Variants in PREPL observed in about 807,000 individuals in gnomAD.
The protein encoded by PREPL is prolyl endopeptidase like.
In PREPL, 77 loss-of-function variants were observed where a neutral mutation model predicts 70.6. The observed-to-expected ratio is 1.09, with a 90% CI of 0.91 to 1.32. The LOEUF is 1.32. PREPL is among the 40% of genes most tolerant of loss of function. The pLI is 0.00. For synonymous variants in PREPL, 315 were observed against 264.8 expected, an observed-to-expected ratio of 1.19 and a Z score of -1.84; for missense variants, 1,002 against 778.2, an observed-to-expected ratio of 1.29 and a Z score of -3.42.
intron 2 of PREPL, among the ~76,000 whole-genome samples, chr2:44,345,072 TAACAC>T (rs1367637213): frequency 6.6e-6 from 1 of 152,236 alleles, no homozygotes; most frequent in Non-Finnish European, 1.5e-5. Context: ...AGTCTTGACT[TAACAC>T]AAACTATTTC....
chr2:44,339,089 G>C, intron 6 of PREPL, 58 bp downstream of exon 6: 1 of 1,592,606 alleles, frequency 6.3e-7, no homozygotes, highest in Admixed American at 1.7e-5. Context: ...AAATGTTGTT[G>C]ATCGAAGTGT....
chr2:44,353,254 T>C (rs1049387468), intron 1 of PREPL, among the ~76,000 whole-genome samples: 1 of 151,920 alleles, frequency 6.6e-6, no homozygotes, highest in African/African-American at 2.4e-5. Context: ...AGTTTCTTCA[T>C]TTGTTTAGAA....
intron 1 of PREPL, among the ~76,000 whole-genome samples, chr2:44,352,196 C>CT (rs915040473): frequency 6.6e-5 from 10 of 152,220 alleles, no homozygotes; most frequent in South Asian, 2.1e-4. Context: ...TCTTCCCCGT[C>CT]TTTTTTTTCT....
rs1044871710 is a variant in PREPL, at chr2:44,320,706, T to C, written c.*650A>G. 16 of 1,174,256 alleles carry C rather than the reference T, an allele frequency of 1.4e-5. No individual in the cohort carries two copies. The highest frequency in any genetic ancestry group is 2.0e-5 in the Non-Finnish European group (16 of 781,342). The allele number at this position is 1,174,256 out of a possible 1,614,324, so 72.7% of individuals were successfully genotyped here. A position where few individuals can be genotyped will look rare whatever the true frequency, so the allele number is the denominator to read the frequency against. On this transcript the variant is annotated 3_prime_UTR_variant, in exon 14 of 14. Coordinates refer to ENST00000409411, the MANE Select transcript of PREPL (RefSeq NM_001171613.2). Reference sequence around the variant, plus strand: ...ATTGTAAGCATTTGTAATAGCTTCATGTACAGCATGCTGCTTGGTGAACAA... The same window carrying C: ...ATTGTAAGCATTTGTAATAGCTTCACGTACAGCATGCTGCTTGGTGAACAA...
Position 44,346,405 on chromosome 2 carries a change from G to C in PREPL, c.-48-15C>G, listed in dbSNP as rs1248272779. On this transcript the variant is annotated splice_polypyrimidine_tract_variant and intron_variant, in intron 1 of 13. Transcript: ENST00000409411. ...GGCTGAAGATCCTGGAAAAAGTTTT[G>C]TTATGATCAAAATATTTCAAACTAG... 1 of 1,608,798 alleles carries C rather than the reference G, an allele frequency of 6.2e-7. No homozygotes were observed. The highest frequency in any genetic ancestry group is 8.5e-7 in the Non-Finnish European group (1 of 1,178,376).
At chr2:44,324,422 T>A (rs1572844341) in intron 10 of PREPL, among the ~76,000 whole-genome samples, 1 of 152,274 alleles carries the variant, frequency 6.6e-6, no homozygotes, top group East Asian at 1.9e-4. Context: ...TAATTAAAAA[T>A]TTTTAAATGA....
intron 10 of PREPL, among the ~76,000 whole-genome samples, chr2:44,325,568 C>T (rs1431471134): frequency 6.6e-6 from 1 of 152,062 alleles, no homozygotes; most frequent in Non-Finnish European, 1.5e-5. Flanking sequence ...TAATAAGCAA[C>T]CTAGCATAAA....
rs759190096 is a variant in PREPL at position 44,328,996 on chromosome 2, G to A, written c.1203C>T (p.Phe401=). The stretch of plus-strand genomic sequence containing the variant: ...CCACCAGGACCCGCCTCTCAGGCCT[G>A]AAATTCATTTTCAAATCCATTCCAT... The part of the protein sequence containing the change: ...GAYGMDLKMN[F]RPERRVLVDD... Residue 401 remains phenylalanine (F), a synonymous_variant, in exon 9 of 14, where the codon TTC becomes TTT. Transcript: ENST00000409411. The A allele has an allele frequency of 1.2e-6, 2 of 1,613,980 alleles. No homozygotes were observed. Among genetic ancestry groups the A allele is most frequent in the African/African-American group, 2.7e-5 (2 of 74,910 alleles).
chr2:44,324,771 C>G (rs571114327), intron 10 of PREPL, among the ~76,000 whole-genome samples: 1 of 152,228 alleles, frequency 6.6e-6, no homozygotes, highest in East Asian at 1.9e-4. Flanking sequence ...CCTGTAGTCC[C>G]AGATACTCAG....
At chr2:44,334,971 G>A (rs570398233) in intron 7 of PREPL, among the ~76,000 whole-genome samples, 2 of 152,170 alleles carry the variant, frequency 1.3e-5, no homozygotes, top group South Asian at 2.1e-4. Context: ...TGTCTTTCGT[G>A]TATGGATGGC....
chr2:44,355,590 A>G (rs1450950909), intron 1 of PREPL, among the ~76,000 whole-genome samples: 1 of 152,128 alleles, frequency 6.6e-6, no homozygotes, highest in Non-Finnish European at 1.5e-5. Flanking sequence ...ATCTTCACTC[A>G]TCTGAGTTAC....
chr2:44,361,299 G>C (rs990729726), intron 1 of PREPL, 81 bp downstream of exon 1: 2 of 152,422 alleles, frequency 1.3e-5, no homozygotes, highest in Non-Finnish European at 2.9e-5. Flanking sequence ...AAAAAGCGAG[G>C]ACCTGGGGAC....
At chr2:44,335,488 A>C (rs1451757374) in intron 7 of PREPL, among the ~76,000 whole-genome samples, 1 of 152,186 alleles carries the variant, frequency 6.6e-6, no homozygotes, top group African/African-American at 2.4e-5. Context: ...TTAACATGTA[A>C]ATGGTTAGCC....
chr2:44,358,309 GAA>G (rs1489438139), intron 1 of PREPL, among the ~76,000 whole-genome samples: 5 of 152,024 alleles, frequency 3.3e-5, no homozygotes, highest in African/African-American at 1.2e-4. Flanking sequence ...GGATCAAGTG[GAA>G]AACTTTGTTA....
chr2:44,331,019 T>C (rs1426850062), intron 8 of PREPL, among the ~76,000 whole-genome samples: 1 of 152,162 alleles, frequency 6.6e-6, no homozygotes, highest in African/African-American at 2.4e-5. Context: ...CACAACTCAC[T>C]GCAGCCTCAA....
chr2:44,324,936 A>T (rs553171452), intron 10 of PREPL, among the ~76,000 whole-genome samples: 1 of 152,258 alleles, frequency 6.6e-6, no homozygotes, highest in East Asian at 1.9e-4. Context: ...CCACAAAAAC[A>T]ACAAAACAAA....
intron 1 of PREPL, among the ~76,000 whole-genome samples, chr2:44,354,261 A>C (rs1676767733): frequency 1.3e-5 from 2 of 152,240 alleles, no homozygotes; most frequent in African/African-American, 4.8e-5. Context: ...TTATATGAAA[A>C]GAAAAAATGC....
At chr2:44,335,420 AAAT>A (rs1297388069) in intron 7 of PREPL, among the ~76,000 whole-genome samples, 6 of 152,334 alleles carry the variant, frequency 3.9e-5, no homozygotes, top group Admixed American at 3.9e-4. Flanking sequence ...ATACAGACTG[AAAT>A]AATAATAGAT....
intron 5 of PREPL, among the ~76,000 whole-genome samples, chr2:44,341,064 G>C (rs994220675): frequency 6.6e-6 from 1 of 151,636 alleles, no homozygotes; most frequent in Non-Finnish European, 1.5e-5. Flanking sequence ...TTACGTAATC[G>C]AGACTGCTAC....
Sources: allele counts gnomAD v4.1 joint callset (sites outside exome capture counted in the v4.1 genomes callset), GRCh38; gene constraint gnomAD v4.1.1; transcripts MANE v1.5; gene names NCBI Gene and HGNC (gene_info 2026-07-23, HGNC 2026-07-21).